NEB: variants seen among roughly 807,000 people sequenced by gnomAD.
NEB encodes the protein nebulin, also known as nemaline myopathy type 2.
NEB carries 512 observed loss-of-function variants against 952.2 expected under a neutral mutation model. The ratio of observed to expected loss-of-function variants is 0.54; its 90% CI spans 0.50 to 0.58. The LOEUF (loss-of-function observed/expected upper bound fraction) is 0.58, where lower values mean the gene tolerates loss of function less well. Ranked by LOEUF, NEB falls within the 20% of genes least tolerant of loss-of-function variation. The pLI is 0.00. For missense variants in NEB, 8,428 were observed against 9,231.1 expected, an observed-to-expected ratio of 0.91 and a Z score of 3.56; for synonymous variants, 2,900 against 3,149.8, an observed-to-expected ratio of 0.92 and a Z score of 2.66.
chr2:151,697,076 C>T (rs769852781), intron 16 of NEB, 72 bp downstream of exon 16: 55 of 1,162,698 alleles, frequency 4.7e-5, no homozygotes, highest in Non-Finnish European at 6.5e-5. Flanking sequence ...AAAGTGGCAA[C>T]ATTTTAAACA....
Position 151,567,545 on chromosome 2 carries a change from C to T in NEB, c.17845-66G>A, listed in dbSNP as rs1012172807. ...GCACACAAGGCAGAGGGGGCTTGAT[C>T]ATCTACTAAGGGATATCAGCAAATT... On this transcript the variant is annotated intron_variant, in intron 113 of 181. Coordinates refer to ENST00000397345, the MANE Select transcript of NEB (RefSeq NM_001164508.2). 4.1e-6 allele frequency: 6 copies of T among 1,453,944 alleles called. No individual in the cohort carries two copies. In the African/African-American group the frequency reaches 8.4e-5, roughly 20 times the overall value. 90.1% of individuals were successfully genotyped at this position (1,453,944 alleles called of 1,614,324 possible).
intron 156 of NEB, among the ~76,000 whole-genome samples, chr2:151,517,245 G>C (rs1263536396): frequency 6.6e-6 from 1 of 152,184 alleles, no homozygotes; most frequent in African/African-American, 2.4e-5. Context: ...CCACATAAAT[G>C]TATGTGACAG....
intron 17 of NEB, among the ~76,000 whole-genome samples, 192 bp from the exon 18 acceptor site, chr2:151,695,874 G>A (rs2099592576): frequency 6.6e-6 from 1 of 152,154 alleles, no homozygotes; most frequent in South Asian, 2.1e-4. Flanking sequence ...CTGTCACCAT[G>A]GTAGGACCCT....
chr2:151,645,054 G>A (rs186460427), intron 55 of NEB, among the ~76,000 whole-genome samples: 28 of 152,250 alleles, frequency 1.8e-4, no homozygotes, highest in East Asian at 3.9e-4. Context: ...AAAAGATACC[G>A]CAAAAATACA....
intron 129 of NEB, among the ~76,000 whole-genome samples, chr2:151,550,955 T>TTATTATTA (rs1406609974): frequency 2.0e-5 from 3 of 147,040 alleles, no homozygotes; most frequent in African/African-American, 7.5e-5. Context: ...AAAATTATTA[T>TTATTATTA]TATTATTATT....
At chr2:151,639,185 A>T (rs1560819105) in intron 63 of NEB, 95 bp downstream of exon 63, 1 of 970,736 alleles carries the variant, frequency 1.0e-6, no homozygotes, top group Admixed American at 2.4e-5. Context: ...CATGAAAAAG[A>T]TTCTTTCTAA....
chr2:151,531,248 T>C (rs6433481), intron 144 of NEB, 147 bp from the exon 145 acceptor site: 357,093 of 558,398 alleles, frequency 0.64, 117,455 homozygotes, highest in East Asian at 0.8. Context: ...CTGCTAAGAC[T>C]TCAGTGTTTC....
chr2:151,594,392 G>A (rs1271032108), intron 92 of NEB, 74 bp from the exon 93 acceptor site: 2 of 1,360,014 alleles, frequency 1.5e-6, no homozygotes, highest in East Asian at 2.7e-5. Context: ...AATTTAAATG[G>A]CTTCAGTATG....
intron 129 of NEB, among the ~76,000 whole-genome samples, chr2:151,550,334 A>G (rs193139751): frequency 1.3e-5 from 2 of 150,464 alleles, no homozygotes; most frequent in African/African-American, 4.9e-5. Context: ...AGTTGGCTGT[A>G]TGGCATCTAG....
At chr2:151,540,239 C>T in intron 138 of NEB, 105 bp downstream of exon 138, 3 of 609,614 alleles carry the variant, frequency 4.9e-6, no homozygotes, top group South Asian at 4.6e-5. Context: ...TTTTCCTAGG[C>T]CATGGTTTAG....
rs190059793 is a variant in NEB, at chr2:151,644,574, T to C, written c.7538A>G (p.Lys2513Arg). ...AKANLINTSD[K>R]LYRMGYEELK... ...CTCCTCATAACCCATTCGGTAGAGT[T>C]TCTGTTAAGAAATGAAGATCATTTT... The change falls in exon 56 of 182, where the codon AAA (lysine) becomes AGA (arginine). Residue 2513 changes from lysine to arginine, a missense_variant and splice_region_variant. Physicochemically the swap from Lys to Arg is conservative, Grantham distance 26. Coordinates refer to ENST00000397345, the MANE Select transcript of NEB (RefSeq NM_001164508.2). The C allele has an allele frequency of 1.9e-6, 3 of 1,610,792 alleles. No individual in the cohort carries two copies. The highest frequency in any genetic ancestry group is 2.7e-5 in the African/African-American group (2 of 74,942).
chr2:151,708,753 T>C (rs145180847), intron 12 of NEB, among the ~76,000 whole-genome samples: 194 of 152,304 alleles, frequency 1.3e-3, no homozygotes, highest in African/African-American at 4.6e-3. Flanking sequence ...GAAGATGAGC[T>C]CTTGTCTGTC....
rs757913260 is a variant in NEB, at chr2:151,609,839, T to C, written c.12300A>G (p.Gln4100=). Residue 4100 remains glutamine, a synonymous_variant, in exon 81 of 182, where the codon CAA becomes CAG. Coordinates refer to ENST00000397345, the MANE Select transcript of NEB (RefSeq NM_001164508.2). ...TCMPDQNDII[Q]AKKAYDLQSD... is the part of the protein sequence containing the mutation. ...TCTGCAGGTCATAGGCCTTTTTTGC[T>C]TGGATAATGTCGTTTTGATCCGGCA... The C allele has an allele frequency of 2.0e-5, 32 of 1,598,704 alleles. No homozygotes were observed. Among genetic ancestry groups the C allele is most frequent in the Non-Finnish European group, 2.7e-5 (32 of 1,171,074 alleles).
At chr2:151,504,123 C>T (rs1559314113) in intron 165 of NEB, among the ~76,000 whole-genome samples, 1 of 152,154 alleles carries the variant, frequency 6.6e-6, no homozygotes, top group Non-Finnish European at 1.5e-5. Flanking sequence ...GCCTCCTTAA[C>T]TCTTAACATT....
chr2:151,554,733 TG>T (rs1014857611), intron 125 of NEB, among the ~76,000 whole-genome samples, 197 bp downstream of exon 125: 1 of 152,226 alleles, frequency 6.6e-6, no homozygotes, highest in Non-Finnish European at 1.5e-5. Flanking sequence ...CACAAATACT[TG>T]CCACTGTGTT....
In NEB at chr2:151,568,145, CTT is replaced by C; in HGVS notation, c.17768_17769del (p.Lys5923SerfsTer21). The C allele has an allele frequency of 6.2e-7, 1 of 1,613,602 alleles. No homozygotes were observed. Among genetic ancestry groups the C allele is most frequent in the Non-Finnish European group, 8.5e-7 (1 of 1,179,736 alleles). ...YLYKEGWERQ[K>X]ATGYILPPDA... ...TCTGGAGGCAAAATGTAACCTGTGG[CTT>C]TTTGTCTCTCCCAGCCTTCCTTGTA... On this transcript the variant is annotated frameshift_variant, in exon 113 of 182. Transcript: ENST00000397345. LOFTEE classifies it high-confidence loss of function.
In NEB at chr2:151,655,279, C is replaced by T. The variant is rs2099075669; in HGVS notation, c.6798G>A (p.Leu2266=). The part of the protein sequence containing the change: ...DILQAKQNQT[L]YSQKLYKLGW... ...TTTTATATAAATTTACCTGACTATA[C>T]AGTGTTTGATTCTGCTTGGCTTGTA... The change falls in exon 51 of 182, where the codon CTG becomes CTA. Residue 2266 remains leucine (L), a synonymous_variant. Transcript: ENST00000397345. 6.4e-7 allele frequency: 1 copy of T among 1,557,186 alleles called. No individual in the cohort carries two copies. The highest frequency in any genetic ancestry group is 8.8e-7 in the Non-Finnish European group (1 of 1,133,788).
intron 39 of NEB, among the ~76,000 whole-genome samples, 193 bp downstream of exon 39, chr2:151,668,834 T>C (rs984958238): frequency 1.3e-5 from 2 of 151,994 alleles, no homozygotes; most frequent in South Asian, 2.1e-4. Flanking sequence ...CCACAGCCCA[T>C]AGTCTGGAAA....
At chr2:151,641,995 G>A (rs1024459536) in intron 60 of NEB, among the ~76,000 whole-genome samples, 1 of 152,000 alleles carries the variant, frequency 6.6e-6, no homozygotes, top group Admixed American at 6.6e-5. Flanking sequence ...CCCAGTGTGT[G>A]ATGTTCCCCA....
Sources: gnomAD v4.1 joint callset for allele counts (sites outside exome capture counted in the v4.1 genomes callset) on GRCh38, gnomAD v4.1.1 for gene constraint, MANE v1.5 for transcripts, NCBI Gene and HGNC (gene_info 2026-07-23, HGNC 2026-07-21) for gene names.